The following PRKD1 variants were observed in gnomAD, a reference collection of about 807,000 sequenced individuals.
PRKD1 encodes protein kinase D1, also known as serine/threonine-protein kinase D1.
In PRKD1, 63 loss-of-function variants were observed where a neutral mutation model predicts 95.9. That is an observed-to-expected ratio of 0.66 (90% CI 0.54 to 0.81). PRKD1 has a LOEUF of 0.81. Among genes scored for constraint, PRKD1 ranks in the 30% least tolerant of loss-of-function variants. PRKD1 has a pLI of 0.00. For synonymous variants in PRKD1, 425 were observed against 423.1 expected (o/e 1.00, Z -0.05); for missense variants, 1,048 against 1,165.3 (o/e 0.90, Z 1.47).
At chr14:29,868,980 C>A (rs1000276986) in intron 1 of PRKD1, among the ~76,000 whole-genome samples, 1 of 152,088 alleles carries the variant, frequency 6.6e-6, no homozygotes, top group African/African-American at 2.4e-5. Flanking sequence ...ACTCAAAAGT[C>A]ACTGAGGAAT....
chr14:29,639,875 C>A (rs530669817), intron 4 of PRKD1, among the ~76,000 whole-genome samples: 1 of 151,978 alleles, frequency 6.6e-6, no homozygotes, highest in Admixed American at 6.6e-5. Flanking sequence ...TTTAATCAGC[C>A]CAGTATATAG....
chr14:29,726,111 T>TG (rs1273344720), intron 1 of PRKD1, among the ~76,000 whole-genome samples: 1 of 152,206 alleles, frequency 6.6e-6, no homozygotes, highest in Non-Finnish European at 1.5e-5. Context: ...TGGGTCTGTC[T>TG]GTTTTGGCAT....
intron 1 of PRKD1, among the ~76,000 whole-genome samples, chr14:29,823,910 C>T (rs763885542): frequency 6.6e-6 from 1 of 152,146 alleles, no homozygotes; most frequent in Non-Finnish European, 1.5e-5. Context: ...TTTCCCATTG[C>T]GTATTTTGGC....
intron 2 of PRKD1, among the ~76,000 whole-genome samples, chr14:29,714,819 G>A (rs1885517874): frequency 6.6e-6 from 1 of 152,160 alleles, no homozygotes; most frequent in Admixed American, 6.6e-5. Context: ...GGACATGGAT[G>A]AAACCAGAAA....
chr14:29,833,199 G>T (rs1326815679), intron 1 of PRKD1, among the ~76,000 whole-genome samples: 2 of 152,058 alleles, frequency 1.3e-5, no homozygotes, highest in East Asian at 3.8e-4. Context: ...TGTTTATCCT[G>T]TCCCAGGTTA....
At chr14:29,722,118 C>T (rs778461073) in intron 2 of PRKD1, among the ~76,000 whole-genome samples, 2 of 152,060 alleles carry the variant, frequency 1.3e-5, no homozygotes, top group African/African-American at 2.4e-5. Context: ...AGTCCTGTGT[C>T]AGAAAATGTT....
intron 4 of PRKD1, among the ~76,000 whole-genome samples, chr14:29,642,203 C>T (rs932324707): frequency 3.3e-5 from 5 of 151,910 alleles, no homozygotes; most frequent in South Asian, 2.1e-4. Flanking sequence ...TGCGCCTGGC[C>T]GGCAAAAGTA....
chr14:29,927,201 C>T, intron 1 of PRKD1, 48 bp downstream of exon 1: 3 of 1,448,812 alleles, frequency 2.1e-6, no homozygotes, highest in Non-Finnish European at 2.7e-6. Context: ...GGGCAGCGCC[C>T]CCTGCGCCGC....
Position 29,642,169 on chromosome 14 carries a change from G to T in PRKD1, c.697-3265C>A, listed in dbSNP as rs111796238. Among the ~76,000 whole-genome samples, 823 of 152,154 alleles carry T rather than the reference G, an allele frequency of 5.4e-3. 8 individuals are homozygous for T. The highest frequency in any genetic ancestry group is 0.018 in the African/African-American group (754 of 41,532). ...CCACCTGCCTCGAGCCTCCCAAAGT[G>T]CTGGGATTACAGGCATGAGCCACTG... On this transcript the variant is annotated intron_variant, in intron 4 of 17. Coordinates refer to ENST00000331968, the MANE Select transcript of PRKD1 (RefSeq NM_002742.3).
chr14:29,688,948 CAAA>C (rs377212196), intron 2 of PRKD1, among the ~76,000 whole-genome samples: 35 of 32,496 alleles, frequency 1.1e-3, no homozygotes, highest in Admixed American at 4.1e-3. Flanking sequence ...GACTCCGTCT[CAAA>C]AAAAAAAAAA....
intron 1 of PRKD1, among the ~76,000 whole-genome samples, chr14:29,763,725 T>C (rs908549602): frequency 2.0e-5 from 3 of 152,072 alleles, no homozygotes; most frequent in Non-Finnish European, 2.9e-5. Flanking sequence ...CAAGAAAGGA[T>C]ACTGGAGGGG....
At chr14:29,809,840 T>C (rs1258446880) in intron 1 of PRKD1, among the ~76,000 whole-genome samples, 1 of 152,230 alleles carries the variant, frequency 6.6e-6, no homozygotes, top group Non-Finnish European at 1.5e-5. Context: ...CAATAACTTT[T>C]CCTTGGCACT....
chr14:29,636,109 T>G (rs1880351846), intron 7 of PRKD1, among the ~76,000 whole-genome samples, 181 bp downstream of exon 7: 1 of 151,720 alleles, frequency 6.6e-6, no homozygotes, highest in Non-Finnish European at 1.5e-5. Flanking sequence ...ACCACACTTC[T>G]CCCAGGGAAC....
At chr14:29,899,423 G>A (rs1404944430) in intron 1 of PRKD1, among the ~76,000 whole-genome samples, 1 of 152,154 alleles carries the variant, frequency 6.6e-6, no homozygotes, top group African/African-American at 2.4e-5. Context: ...GAGGTGCACA[G>A]ATCACTTAAG....
chr14:29,750,616 G>GCGCGCACACACACA lies in PRKD1; in HGVS notation c.265-24943_265-24942insTGTGTGTGTGCGCG, dbSNP rs72239992. Among the ~76,000 whole-genome samples the GCGCGCACACACACA allele has an allele frequency of 3.1e-3, 464 of 148,470 alleles. 2 individuals carry two copies. The highest frequency in any genetic ancestry group is 7.1e-3 in the African/African-American group (288 of 40,374). On this transcript the variant is annotated intron_variant, in intron 1 of 17. Coordinates refer to ENST00000331968, the MANE Select transcript of PRKD1 (RefSeq NM_002742.3). ...CCTATCCCAGGATGCATGAACGCGC[G>GCGCGCACACACACA]CACACACACACACACACACACTCAC... is the stretch of plus-strand genomic sequence containing the variant.
intron 1 of PRKD1, among the ~76,000 whole-genome samples, chr14:29,884,042 T>G (rs1893609207): frequency 6.6e-6 from 1 of 152,208 alleles, no homozygotes; most frequent in African/African-American, 2.4e-5. Flanking sequence ...TGTAATTTGG[T>G]CAACTCAAAA....
At chr14:29,669,515 A>C (rs1219404438) in intron 2 of PRKD1, among the ~76,000 whole-genome samples, 1 of 152,202 alleles carries the variant, frequency 6.6e-6, no homozygotes, top group East Asian at 1.9e-4. Flanking sequence ...CCTACACAAA[A>C]TCACATACTT....
chr14:29,826,868 T>C lies in PRKD1; in HGVS notation c.264+100381A>G, dbSNP rs1190866568. On this transcript the variant is annotated intron_variant, in intron 1 of 17. Coordinates refer to ENST00000331968, the MANE Select transcript of PRKD1 (RefSeq NM_002742.3). The stretch of plus-strand genomic sequence containing the variant: ...ACATATATATATATATATATATATA[T>C]ATATATATGATGGAATACTACTCAG... Among the ~76,000 whole-genome samples the C allele has an allele frequency of 5.7e-5, 6 of 106,020 alleles. 1 individual carries two copies. The South Asian group carries it at 9.0e-4, about 16-fold the overall frequency. 69.6% of individuals were successfully genotyped at this position (106,020 alleles called of 152,430 possible). A position where few individuals can be genotyped will look rare whatever the true frequency, so the allele number is the denominator to read the frequency against.
intron 1 of PRKD1, among the ~76,000 whole-genome samples, chr14:29,809,958 C>A (rs1890409840): frequency 6.6e-6 from 1 of 151,980 alleles, no homozygotes; most frequent in Non-Finnish European, 1.5e-5. Context: ...TTCACTTGAC[C>A]CTTAGAAGTC....
Sources: gnomAD v4.1 joint callset for allele counts (sites outside exome capture counted in the v4.1 genomes callset) on GRCh38, gnomAD v4.1.1 for gene constraint, MANE v1.5 for transcripts, NCBI Gene and HGNC (gene_info 2026-07-23, HGNC 2026-07-21) for gene names.